RBFOX1: variants seen among roughly 807,000 people sequenced by gnomAD.
RBFOX1 encodes the protein RNA binding protein fox-1 homolog 1.
A neutral mutation model predicts 57.7 loss-of-function variants in RBFOX1; 8 were observed. The ratio of observed to expected loss-of-function variants is 0.14; its 90% confidence interval spans 0.08 to 0.25. The LOEUF (loss-of-function observed/expected upper bound fraction) is 0.25. RBFOX1 is among the 10% of genes least tolerant of loss of function. The probability of loss-of-function intolerance (pLI) is 1.00; values close to 1 mark genes in which losing one functional copy is unlikely to be tolerated. For missense variants in RBFOX1, 611 were observed against 548.5 expected, an observed-to-expected ratio of 1.11 and a Z score of -1.14; for synonymous variants, 326 against 222.4, an observed-to-expected ratio of 1.47 and a Z score of -4.15.
At chr16:7,325,664 A>T (rs2096601892) in intron 4 of RBFOX1, among the ~76,000 whole-genome samples, 1 of 151,682 alleles carries the variant, frequency 6.6e-6, no homozygotes, top group Non-Finnish European at 1.5e-5. Context: ...ATCTGGAGAG[A>T]GGTTGGTTGA....
intron 2 of RBFOX1, among the ~76,000 whole-genome samples, chr16:5,571,841 T>A (rs1567243535): frequency 6.6e-6 from 1 of 152,230 alleles, no homozygotes; most frequent in South Asian, 2.1e-4. Flanking sequence ...TTTGTCTTTG[T>A]CTTTATTTCT....
intron 4 of RBFOX1, among the ~76,000 whole-genome samples, chr16:7,217,540 G>C (rs1423960248): frequency 6.6e-6 from 1 of 151,512 alleles, no homozygotes; most frequent in Admixed American, 6.6e-5. Flanking sequence ...CCAACCCCTC[G>C]TCCATCACTC....
intron 1 of RBFOX1, among the ~76,000 whole-genome samples, chr16:6,171,633 A>G (rs1191914929): frequency 6.6e-6 from 1 of 152,138 alleles, no homozygotes; most frequent in African/African-American, 2.4e-5. Flanking sequence ...TCAAGGGTTA[A>G]AAGTAGACCT....
chr16:7,597,561 C>G, intron 9 of RBFOX1, 130 bp downstream of exon 9: 1 of 696,354 alleles, frequency 1.4e-6, no homozygotes, highest in Non-Finnish European at 2.3e-6. Context: ...TACTGACCTG[C>G]TACAGTGAAC....
chr16:7,651,121 G>T (rs187989671), intron 11 of RBFOX1, among the ~76,000 whole-genome samples: 80 of 152,238 alleles, frequency 5.3e-4, no homozygotes, highest in African/African-American at 1.9e-3. Context: ...ATAGAAAGAC[G>T]GAATCATTCT....
At chr16:6,195,065 C>T (rs1281894353) in intron 1 of RBFOX1, among the ~76,000 whole-genome samples, 1 of 152,156 alleles carries the variant, frequency 6.6e-6, no homozygotes, top group Non-Finnish European at 1.5e-5. Flanking sequence ...GATACGGAAT[C>T]AGAGAAACAT....
intron 4 of RBFOX1, among the ~76,000 whole-genome samples, chr16:7,206,381 A>T (rs969015528): frequency 1.3e-5 from 2 of 152,050 alleles, no homozygotes; most frequent in African/African-American, 4.8e-5. Context: ...AATACACTAC[A>T]TGCATTTTTA....
intron 2 of RBFOX1, among the ~76,000 whole-genome samples, chr16:6,535,684 G>A (rs1380804942): frequency 6.6e-6 from 1 of 152,158 alleles, no homozygotes; most frequent in Non-Finnish European, 1.5e-5. Context: ...CTGACCCATG[G>A]ACATTTTTGA....
intron 3 of RBFOX1, among the ~76,000 whole-genome samples, chr16:5,806,985 C>T (rs901346488): frequency 1.3e-5 from 2 of 152,160 alleles, no homozygotes; most frequent in Non-Finnish European, 2.9e-5. Flanking sequence ...AATGTCTTGC[C>T]ATGGCCTGGG....
chr16:6,708,304 A>ACACACACC (rs1555715510), intron 3 of RBFOX1, among the ~76,000 whole-genome samples: 1 of 96,324 alleles, frequency 1.0e-5, no homozygotes, highest in African/African-American at 2.9e-5. Flanking sequence ...ACACACACAC[A>ACACACACC]CTCACACTCA....
At chr16:6,860,270 A>C (rs937783531) in intron 3 of RBFOX1, among the ~76,000 whole-genome samples, 1 of 152,232 alleles carries the variant, frequency 6.6e-6, no homozygotes, top group Non-Finnish European at 1.5e-5. Flanking sequence ...GTACTTGTGG[A>C]AATACATTAT....
chr16:7,034,827 C>CTTTTTTTTTTT (rs113413414), intron 3 of RBFOX1, among the ~76,000 whole-genome samples: 2 of 54,114 alleles, frequency 3.7e-5, no homozygotes, highest in African/African-American at 8.9e-5. Flanking sequence ...TATTGCATTA[C>CTTTTTTTTTTT]TTTTTTTTTT....
intron 1 of RBFOX1, among the ~76,000 whole-genome samples, chr16:5,348,496 G>T (rs2065192272): frequency 1.3e-5 from 2 of 152,296 alleles, no homozygotes; most frequent in East Asian, 1.9e-4. Flanking sequence ...GGCATGGAGA[G>T]GGTAGCAGCT....
intron 4 of RBFOX1, among the ~76,000 whole-genome samples, chr16:7,259,159 C>T (rs901757881): frequency 5.3e-5 from 8 of 152,118 alleles, no homozygotes; most frequent in Admixed American, 2.0e-4. Flanking sequence ...CTGTTGACAC[C>T]ACATGACCTC....
chr16:5,657,865 G>A (rs147355795), intron 3 of RBFOX1, among the ~76,000 whole-genome samples: 3 of 150,928 alleles, frequency 2.0e-5, no homozygotes, highest in East Asian at 3.9e-4. Flanking sequence ...CCAGGTAGCT[G>A]GGATTACAGG....
intron 3 of RBFOX1, among the ~76,000 whole-genome samples, chr16:7,024,332 AG>A (rs1304172271): frequency 3.9e-5 from 6 of 152,194 alleles, no homozygotes; most frequent in Admixed American, 1.3e-4. Flanking sequence ...TGGTACCATA[AG>A]TGATTTTTTA....
At chr16:7,537,266 A>G (rs1001185357) in intron 5 of RBFOX1, among the ~76,000 whole-genome samples, 4 of 152,216 alleles carry the variant, frequency 2.6e-5, no homozygotes, top group Non-Finnish European at 5.9e-5. Flanking sequence ...GTCAATATCA[A>G]ATGACCAAAT....
At chr16:7,310,959 C>T (rs1336811062) in intron 4 of RBFOX1, among the ~76,000 whole-genome samples, 2 of 152,216 alleles carry the variant, frequency 1.3e-5, no homozygotes, top group Non-Finnish European at 1.5e-5. Context: ...TGGAAAACTT[C>T]CGCTTGGCCT....
At chr16:5,505,244 C>T (rs1294224216) in intron 2 of RBFOX1, among the ~76,000 whole-genome samples, 2 of 152,202 alleles carry the variant, frequency 1.3e-5, no homozygotes, top group Non-Finnish European at 2.9e-5. Flanking sequence ...GAATTTCCAC[C>T]TCTGTGCTTA....
Sources: allele counts gnomAD v4.1 joint callset (sites outside exome capture counted in the v4.1 genomes callset), GRCh38; gene constraint gnomAD v4.1.1; transcripts MANE v1.5; gene names NCBI Gene and HGNC (gene_info 2026-07-23, HGNC 2026-07-21).